Variants in ABCA10 observed in about 807,000 individuals in gnomAD.
ABCA10 encodes ATP-binding cassette sub-family A member 10.
A neutral mutation model predicts 187.5 loss-of-function variants in ABCA10; 169 were observed. That is an observed-to-expected ratio of 0.90 (90% CI 0.80 to 1.02). The LOEUF is 1.02. ABCA10 is among the 50% of genes least tolerant of loss of function. The pLI, the probability that ABCA10 is intolerant of heterozygous loss-of-function variation, is 0.00. For synonymous variants in ABCA10, 574 were observed against 601.8 expected (o/e 0.95, Z 0.68); for missense variants, 1,727 against 1,812.4 (o/e 0.95, Z 0.86).
chr17:69,238,159 C>CA lies in ABCA10; in HGVS notation c.-593+6369dup, dbSNP rs60735465. On this transcript the variant is annotated intron_variant, in intron 1 of 39. Transcript: ENST00000269081. ...CTTGGGCAACAGAGTGAGACTCTGT[C>CA]AAAAAAAAAAAAAAAAATTTCCAGC... is the stretch of plus-strand genomic sequence containing the variant. Among the ~76,000 whole-genome samples, 554 of 135,588 alleles carry CA rather than the reference C, an allele frequency of 4.1e-3. 4 individuals are homozygous for CA. The highest frequency in any genetic ancestry group is 7.9e-3 in the East Asian group (35 of 4,452). The allele number at this position is 135,588 out of a possible 152,430, so 89.0% of individuals were successfully genotyped here.
intron 22 of ABCA10, among the ~76,000 whole-genome samples, chr17:69,176,627 C>T (rs1050133449): frequency 6.6e-6 from 1 of 151,994 alleles, no homozygotes; most frequent in African/African-American, 2.4e-5. Flanking sequence ...TTCCCAGTAT[C>T]ACCCCTGGGA....
intron 10 of ABCA10, 67 bp from the exon 11 acceptor site, chr17:69,197,189 C>A: frequency 7.9e-7 from 1 of 1,265,910 alleles, no homozygotes; most frequent in Admixed American, 1.8e-5. Context: ...GATTACAGTT[C>A]ATAACTAAGC....
intron 8 of ABCA10, 50 bp from the exon 9 acceptor site, chr17:69,214,901 A>G (rs2074691915): frequency 7.4e-7 from 1 of 1,357,918 alleles, no homozygotes; most frequent in Non-Finnish European, 9.8e-7. Context: ...ATAAAACTAA[A>G]TAAAACAATT....
intron 11 of ABCA10, among the ~76,000 whole-genome samples, chr17:69,195,480 CAAT>C (rs1419417416): frequency 6.7e-6 from 1 of 149,020 alleles, no homozygotes; most frequent in Non-Finnish European, 1.5e-5. Flanking sequence ...TAATTTTCCA[CAAT>C]AATGATATTT....
At chr17:69,204,721 G>A (rs1238738228) in intron 9 of ABCA10, among the ~76,000 whole-genome samples, 1 of 152,148 alleles carries the variant, frequency 6.6e-6, no homozygotes, top group Non-Finnish European at 1.5e-5. Flanking sequence ...ATGTCTAATT[G>A]GTACAGATAC....
chr17:69,155,581 G>T (rs2074167464), intron 29 of ABCA10, among the ~76,000 whole-genome samples: 2 of 152,148 alleles, frequency 1.3e-5, no homozygotes, highest in Admixed American at 1.3e-4. Context: ...TTACACTGAT[G>T]AATGAGGAGC....
chr17:69,228,625 T>C lies in ABCA10; in HGVS notation c.-357A>G, dbSNP rs1252052408. The C allele has an allele frequency of 1.3e-5, 2 of 151,990 alleles. No homozygotes were observed. Among genetic ancestry groups the C allele is most frequent in the Admixed American group, 6.6e-5 (1 of 15,224 alleles). The allele number at this position is 151,990 out of a possible 1,614,324, so 9.4% of individuals were successfully genotyped here. ...AAGTATTTGAAGCACTTGGATCCACTGGTCTCTTTTTGTCCAAGAAAACAA... is the reference window on the plus strand; with the variant it reads ...AAGTATTTGAAGCACTTGGATCCACCGGTCTCTTTTTGTCCAAGAAAACAA... On this transcript the variant is annotated 5_prime_UTR_variant, in exon 1 of 39. Coordinates refer to ENST00000690296, the MANE Select transcript of ABCA10 (RefSeq NM_001377321.1).
chr17:69,184,779 T>C (rs9892172), intron 20 of ABCA10, among the ~76,000 whole-genome samples: 109,237 of 151,390 alleles, frequency 0.72, 39,709 homozygotes, highest in Admixed American at 0.75. Flanking sequence ...TTCACAATTG[T>C]GAAAATATGG....
rs1046428305 is a variant in ABCA10, at chr17:69,194,097, G to T, written c.1346-108C>A. 4.7e-6 allele frequency: 5 copies of T among 1,066,090 alleles called. No homozygotes were observed. The African/African-American group carries it at 8.2e-5, about 17-fold the overall frequency. 66.0% of individuals were successfully genotyped at this position (1,066,090 alleles called of 1,614,324 possible). On this transcript the variant is annotated intron_variant, in intron 12 of 38. Coordinates refer to ENST00000690296, the MANE Select transcript of ABCA10 (RefSeq NM_001377321.1). ...GTTCAAAAAACTTGTTTTTATTAAA[G>T]AAACTTCACATTTTCCAATTGCATA...
chr17:69,158,762 T>C (rs1316612195), intron 27 of ABCA10, among the ~76,000 whole-genome samples: 2 of 152,182 alleles, frequency 1.3e-5, no homozygotes, highest in Non-Finnish European at 2.9e-5. Context: ...ATAGGACATA[T>C]GTATCATTTT....
chr17:69,241,305 T>C (rs2074902116), intron 1 of ABCA10, among the ~76,000 whole-genome samples: 1 of 152,200 alleles, frequency 6.6e-6, no homozygotes, highest in Non-Finnish European at 1.5e-5. Flanking sequence ...CCACTTCTTA[T>C]TCACCTTCCT....
At position 69,148,383 on chromosome 17, in the gene ABCA10, T is replaced by G; in HGVS notation, c.*444A>C. ...ATAATTAAATGTTATGCTGTGCCAT[T>G]TCATCAGTTTATCAGACCTTCTTAT... On this transcript the variant is annotated 3_prime_UTR_variant, in exon 39 of 39. Coordinates refer to ENST00000690296, the MANE Select transcript of ABCA10 (RefSeq NM_001377321.1). 6.4e-6 allele frequency: 1 copy of G among 155,654 alleles called. No individual in the cohort carries two copies. Among genetic ancestry groups the G allele is most frequent in the Non-Finnish European group, 1.4e-5 (1 of 70,236 alleles). 9.6% of individuals were successfully genotyped at this position (155,654 alleles called of 1,614,324 possible).
At chr17:69,193,756 A>C (rs1473048023) in intron 13 of ABCA10, 58 bp downstream of exon 13, 1 of 1,581,814 alleles carries the variant, frequency 6.3e-7, no homozygotes. Context: ...GAACAAAAAA[A>C]ATATATAGTC....
intron 9 of ABCA10, among the ~76,000 whole-genome samples, chr17:69,203,938 T>C (rs2074569326): frequency 6.6e-6 from 1 of 152,232 alleles, no homozygotes; most frequent in Non-Finnish European, 1.5e-5. Flanking sequence ...TTAAGGTATA[T>C]AAATAAATTT....
At chr17:69,201,756 G>T in intron 9 of ABCA10, 88 bp from the exon 10 acceptor site, 3 of 1,108,690 alleles carry the variant, frequency 2.7e-6, no homozygotes, top group Admixed American at 3.1e-5. Flanking sequence ...TATCAATTTT[G>T]AACTTAAGTT....
rs145975274 is a variant in ABCA10 at position 69,175,633 on chromosome 17, A to G, written c.2770-120T>C. 182 of 736,480 alleles carry G rather than the reference A, an allele frequency of 2.5e-4. No homozygotes were observed. The African/African-American group carries it at 2.9e-3, about 12-fold the overall frequency. 45.6% of individuals were successfully genotyped at this position (736,480 alleles called of 1,614,324 possible). A position where few individuals can be genotyped will look rare whatever the true frequency, so the allele number is the denominator to read the frequency against. On this transcript the variant is annotated intron_variant, in intron 22 of 38. Transcript: ENST00000690296. ...GAAGCATTCACCTGATTTAAGAAGC[A>G]AAGAGACAAGCAAACATGTTTTGTT...
chr17:69,183,488 T>C (rs1316268974), intron 20 of ABCA10, among the ~76,000 whole-genome samples: 1 of 152,030 alleles, frequency 6.6e-6, no homozygotes, highest in Non-Finnish European at 1.5e-5. Flanking sequence ...ACAGATCCTT[T>C]GAAAGAGGCG....
intron 27 of ABCA10, among the ~76,000 whole-genome samples, chr17:69,162,822 T>TATACACATACATATACAC (rs1219878476): frequency 3.7e-4 from 23 of 61,796 alleles, no homozygotes; most frequent in African/African-American, 2.3e-3. Context: ...TACATATACA[T>TATACACATACATATACAC]ATACATATAC....
chr17:69,162,790 T>A (rs1172773092), intron 27 of ABCA10, among the ~76,000 whole-genome samples: 2 of 110,038 alleles, frequency 1.8e-5, no homozygotes, highest in Non-Finnish European at 4.1e-5. Context: ...TGATGGGGTT[T>A]ATGTTGAAAA....
Sources: gnomAD v4.1 joint callset for allele counts (sites outside exome capture counted in the v4.1 genomes callset) on GRCh38, gnomAD v4.1.1 for gene constraint, MANE v1.5 for transcripts, NCBI Gene and HGNC (gene_info 2026-07-23, HGNC 2026-07-21) for gene names.